The following TRPM8 variants were observed in gnomAD, a reference collection of about 807,000 sequenced individuals.
The protein encoded by TRPM8 is TRPM8 cationic channel.
TRPM8 carries 110 observed loss-of-function variants against 133.7 expected under a neutral mutation model. That is an observed-to-expected ratio of 0.82 (90% CI 0.70 to 0.96). The LOEUF is 0.96. TRPM8 is among the 40% of genes least tolerant of loss of function. The pLI, the probability that TRPM8 is intolerant of heterozygous loss-of-function variation, is 0.00. For missense variants in TRPM8, 1,291 were observed against 1,379.5 expected, an observed-to-expected ratio of 0.94 and a Z score of 1.02; for synonymous variants, 535 against 532.3, an observed-to-expected ratio of 1.01 and a Z score of -0.07.
At chr2:233,940,211 T>A (rs1435622839) in intron 5 of TRPM8, among the ~76,000 whole-genome samples, 2 of 152,144 alleles carry the variant, frequency 1.3e-5, no homozygotes, top group Admixed American at 6.5e-5. Context: ...ACCTTAACAT[T>A]TAAAAAACTT....
At chr2:233,965,849 C>CT (rs771856701) in intron 14 of TRPM8, 2,752 of 133,522 alleles carry the variant, frequency 0.021, 83 homozygotes, top group African/African-American at 0.066. Context: ...ATCAGTGTTT[C>CT]TTTTTTTTTT....
At chr2:234,008,876 G>A (rs1363767303) in intron 24 of TRPM8, among the ~76,000 whole-genome samples, 1 of 152,154 alleles carries the variant, frequency 6.6e-6, no homozygotes, top group African/African-American at 2.4e-5. Flanking sequence ...GAATTTATCT[G>A]TTTACAGTTT....
chr2:233,987,116 T>G (rs1692165404), intron 21 of TRPM8, among the ~76,000 whole-genome samples: 1 of 152,216 alleles, frequency 6.6e-6, no homozygotes. Context: ...TAAAGGTGTA[T>G]GTACAAAGAT....
intron 18 of TRPM8, among the ~76,000 whole-genome samples, chr2:233,981,178 CA>C (rs1340724662): frequency 6.6e-6 from 1 of 152,162 alleles, no homozygotes; most frequent in African/African-American, 2.4e-5. Context: ...GTTCGCCCTC[CA>C]ATTTGAATGG....
rs1690936205 is a variant in TRPM8, at chr2:233,942,584, AT to A, written c.537del (p.Leu180SerfsTer9). ...TTCCTATTTGTTGACAGGTGCTTGGATTCTCACGGGAGGCACCCATTATGGC... is the reference window on the plus strand; with the variant it reads ...TTCCTATTTGTTGACAGGTGCTTGGATCTCACGGGAGGCACCCATTATGGC... ...IYIAQSKGAW[I>X]LTGGTHYGLM... On this transcript the variant is annotated frameshift_variant, in exon 6 of 26. Coordinates refer to ENST00000324695, the MANE Select transcript of TRPM8 (RefSeq NM_024080.5). LOFTEE classifies it high-confidence loss of function. 6.2e-7 allele frequency: 1 copy of A among 1,614,054 alleles called. No homozygotes were observed. Among genetic ancestry groups the A allele is most frequent in the South Asian group, 1.1e-5 (1 of 91,080 alleles).
In TRPM8 at chr2:233,930,651, A is replaced by G. The variant is rs1291599586; in HGVS notation, c.118-17A>G. The G allele has an allele frequency of 3.8e-6, 6 of 1,563,492 alleles. No individual in the cohort carries two copies. The highest frequency in any genetic ancestry group is 5.3e-6 in the Non-Finnish European group (6 of 1,137,952). ...GAATAAATTAGTAATGTGTTATTCA[A>G]TGTTCTCTCTCCAAAGGACTTGGTG... On this transcript the variant is annotated splice_polypyrimidine_tract_variant and intron_variant, in intron 2 of 25. Coordinates refer to ENST00000324695, the MANE Select transcript of TRPM8 (RefSeq NM_024080.5).
At chr2:233,917,977 C>A (rs1418438439) in intron 1 of TRPM8, among the ~76,000 whole-genome samples, 3 of 152,168 alleles carry the variant, frequency 2.0e-5, no homozygotes, top group Non-Finnish European at 4.4e-5. Context: ...CCTGTTGAAA[C>A]AGGCTCATCA....
At chr2:233,975,514 T>C (rs536193242) in intron 17 of TRPM8, among the ~76,000 whole-genome samples, 1 of 152,362 alleles carries the variant, frequency 6.6e-6, no homozygotes, top group East Asian at 1.9e-4. Context: ...TCCCTGACCC[T>C]GCCTCCCTTG....
intron 9 of TRPM8, among the ~76,000 whole-genome samples, chr2:233,952,844 T>C (rs1274439989): frequency 6.6e-6 from 1 of 151,966 alleles, no homozygotes; most frequent in African/African-American, 2.4e-5. Context: ...TCCTTTTTAT[T>C]TCAAAGGAAA....
intron 21 of TRPM8, among the ~76,000 whole-genome samples, chr2:233,990,175 A>G (rs1420570966): frequency 6.6e-6 from 1 of 152,254 alleles, no homozygotes; most frequent in African/African-American, 2.4e-5. Flanking sequence ...AAGCTTTCCC[A>G]TGCTGGGCAC....
At chr2:233,978,081 C>CTT (rs540222140) in intron 17 of TRPM8, among the ~76,000 whole-genome samples, 1,643 of 126,952 alleles carry the variant, frequency 0.013, 30 homozygotes, top group African/African-American at 0.042. Flanking sequence ...TTACAATTTG[C>CTT]TTTTTTTTTT....
chr2:233,943,375 A>C (rs1335614798), intron 6 of TRPM8, among the ~76,000 whole-genome samples: 1 of 152,184 alleles, frequency 6.6e-6, no homozygotes, highest in Admixed American at 6.5e-5. Flanking sequence ...ACACCATGGA[A>C]TACTATGCAG....
At chr2:233,931,879 A>G (rs1031674645) in intron 3 of TRPM8, among the ~76,000 whole-genome samples, 1 of 152,110 alleles carries the variant, frequency 6.6e-6, no homozygotes, top group African/African-American at 2.4e-5. Flanking sequence ...AATATTATCA[A>G]CCTCCTTGCA....
chr2:233,987,816 C>T (rs141171079), intron 21 of TRPM8, among the ~76,000 whole-genome samples: 11 of 152,248 alleles, frequency 7.2e-5, no homozygotes, highest in African/African-American at 1.7e-4. Flanking sequence ...ATATGTCTCA[C>T]GAGATTTGAT....
Position 233,927,906 on chromosome 2 carries a change from CTT to C in TRPM8, c.117+1254_117+1255del, listed in dbSNP as rs1491554508. ...TCTTTCTTTCTTTCTTTCTTTCTTT[CTT>C]TCTCTCTCTCTCTCTTTCTCTCTCT... On this transcript the variant is annotated intron_variant, in intron 2 of 25. Transcript: ENST00000324695. Among the ~76,000 whole-genome samples, 61 of 56,488 alleles carry C rather than the reference CTT, an allele frequency of 1.1e-3. 4 individuals carry two copies. Among genetic ancestry groups the C allele is most frequent in the African/African-American group, 4.1e-3 (25 of 6,096 alleles). The allele number at this position is 56,488 out of a possible 152,430, so 37.1% of individuals were successfully genotyped here. A position where few individuals can be genotyped will look rare whatever the true frequency, so the allele number is the denominator to read the frequency against.
At chr2:234,007,233 G>A (rs573915787) in intron 23 of TRPM8, among the ~76,000 whole-genome samples, 23 of 152,310 alleles carry the variant, frequency 1.5e-4, no homozygotes, top group Admixed American at 5.2e-4. Flanking sequence ...ATGGAACTAG[G>A]TAACAAGAGG....
chr2:233,966,754 A>C lies in TRPM8; in HGVS notation c.2024A>C (p.Gln675Pro). Residue 675 changes from glutamine to proline, a missense_variant and splice_region_variant, in exon 15 of 26, where the codon CAG becomes CCG. Physicochemically the swap from Gln to Pro is moderately conservative, Grantham distance 76. Transcript: ENST00000324695. ...CATTTCATCGCCCAGCCTGGGGTCC[A>C]GGTAAACCATACTCAGCCACCAGAC... is the stretch of plus-strand genomic sequence containing the variant. Reference protein sequence around the residue: ...DQHFIAQPGVQNFLSKQWYGE... With the variant: ...DQHFIAQPGVPNFLSKQWYGE... 1 of 1,565,178 alleles carries C rather than the reference A, an allele frequency of 6.4e-7. No homozygotes were observed. The highest frequency in any genetic ancestry group is 8.7e-7 in the Non-Finnish European group (1 of 1,151,372).
At chr2:233,932,315 T>C (rs2125059743) in intron 3 of TRPM8, among the ~76,000 whole-genome samples, 1 of 152,356 alleles carries the variant, frequency 6.6e-6, no homozygotes, top group South Asian at 2.1e-4. Flanking sequence ...CGTTATCAGC[T>C]TTCCATTTGC....
chr2:233,927,791 T>TTCCTTCCTTCCTTCCTTTC (rs1165462842), intron 2 of TRPM8, among the ~76,000 whole-genome samples: 11 of 29,614 alleles, frequency 3.7e-4, no homozygotes, highest in East Asian at 2.8e-3. Flanking sequence ...TCTTTCTTTC[T>TTCCTTCCTTCCTTCCTTTC]TTTCTTTCCT....
Sources: gnomAD v4.1 joint callset for allele counts (sites outside exome capture counted in the v4.1 genomes callset) on GRCh38, gnomAD v4.1.1 for gene constraint, MANE v1.5 for transcripts, NCBI Gene and HGNC (gene_info 2026-07-23, HGNC 2026-07-21) for gene names.